The following TBC1D2 variants were observed in gnomAD, a reference collection of about 807,000 sequenced individuals.
The protein encoded by TBC1D2 is TBC1 domain family member 2.
A neutral mutation model predicts 91.1 loss-of-function variants in TBC1D2; 58 were observed. The observed-to-expected ratio is 0.64, with a 90% CI of 0.52 to 0.79. The LOEUF (loss-of-function observed/expected upper bound fraction) is 0.79, where lower values mean the gene tolerates loss of function less well. Ranked by LOEUF, TBC1D2 falls within the 30% of genes least tolerant of loss-of-function variation. The pLI, the probability that TBC1D2 is intolerant of heterozygous loss-of-function variation, is 0.00. For synonymous variants in TBC1D2, 482 were observed against 511.5 expected (o/e 0.94, Z 0.78); for missense variants, 1,080 against 1,208.3 (o/e 0.89, Z 1.57).
chr9:98,203,667 C>T (rs529649921), intron 9 of TBC1D2, among the ~76,000 whole-genome samples: 3 of 152,222 alleles, frequency 2.0e-5, no homozygotes, highest in East Asian at 3.9e-4. Flanking sequence ...TTGGGTAAAT[C>T]CTGATCTTGT....
At chr9:98,204,837 T>C (rs768320229) in intron 9 of TBC1D2, among the ~76,000 whole-genome samples, 1 of 152,166 alleles carries the variant, frequency 6.6e-6, no homozygotes, top group African/African-American at 2.4e-5. Flanking sequence ...AGTTCAAGGA[T>C]AGCAAACGTG....
At chr9:98,242,490 A>C (rs1030257245) in intron 3 of TBC1D2, among the ~76,000 whole-genome samples, 40 of 151,922 alleles carry the variant, frequency 2.6e-4, no homozygotes, top group African/African-American at 9.4e-4. Flanking sequence ...AGAAACGCCC[A>C]AACAGGATCA....
At chr9:98,219,723 A>G (rs1490591686) in intron 6 of TBC1D2, among the ~76,000 whole-genome samples, 1 of 152,166 alleles carries the variant, frequency 6.6e-6, no homozygotes. Flanking sequence ...TTGTGCTATG[A>G]TGTTATGACG....
rs1829305344 is a variant in TBC1D2, at chr9:98,229,091, A to G, written c.839T>C (p.Phe280Ser). Residue 280 changes from phenylalanine to serine, a missense_variant, in exon 5 of 13, where the codon TTC (phenylalanine) becomes TCC (serine). By Grantham distance (155) the Phe-to-Ser change is radical. Transcript: ENST00000465784. ...GTTCTGGCGCTTGGCTTTCTGAGCG[A>G]AACTGATGGTCAGAGAAGGCTTGGG... ...PAPKPSLTISFAQKAKRQNNT... is the reference protein window; with the variant it reads ...PAPKPSLTISSAQKAKRQNNT... 2 of 1,614,120 alleles carry G rather than the reference A, an allele frequency of 1.2e-6. No individual in the cohort carries two copies. The highest frequency in any genetic ancestry group is 1.3e-5 in the African/African-American group (1 of 74,944).
At chr9:98,215,117 C>T (rs756973824) in intron 6 of TBC1D2, among the ~76,000 whole-genome samples, 82 of 152,286 alleles carry the variant, frequency 5.4e-4, no homozygotes, top group Non-Finnish European at 9.4e-4. Context: ...GTGCGCCAGC[C>T]GCTCTGCTGG....
intron 3 of TBC1D2, among the ~76,000 whole-genome samples, chr9:98,238,269 T>C (rs2119163992): frequency 7.3e-6 from 1 of 137,104 alleles, no homozygotes; most frequent in African/African-American, 3.6e-5. Context: ...GCCCTTTTTT[T>C]CAACAATGTT....
intron 9 of TBC1D2, among the ~76,000 whole-genome samples, chr9:98,206,264 G>A (rs970338959): frequency 3.3e-5 from 5 of 152,366 alleles, no homozygotes; most frequent in South Asian, 2.1e-4. Flanking sequence ...CCTATTACAA[G>A]TAACTTTCTG....
At chr9:98,201,939 C>T (rs1196504187) in intron 10 of TBC1D2, among the ~76,000 whole-genome samples, 5 of 152,192 alleles carry the variant, frequency 3.3e-5, no homozygotes, top group African/African-American at 7.2e-5. Context: ...GCACGTTCTC[C>T]GCCCGCTCAC....
At chr9:98,212,967 G>T in intron 7 of TBC1D2, 141 bp downstream of exon 7, 1 of 864,226 alleles carries the variant, frequency 1.2e-6, no homozygotes, top group Non-Finnish European at 1.8e-6. Flanking sequence ...AGAAGAACCT[G>T]ATATGGGCCC....
At chr9:98,252,041 A>AG (rs1829884932) in intron 1 of TBC1D2, 115 bp from the exon 2 acceptor site, 1 of 1,375,928 alleles carries the variant, frequency 7.3e-7, no homozygotes, top group Non-Finnish European at 9.8e-7. Context: ...AGGAAAAAAA[A>AG]AAGGGGGTCA....
Position 98,255,284 on chromosome 9 carries a change from ATCCTGAGCGGTCC to A in TBC1D2, c.245_257del (p.Arg82LeufsTer37), listed in dbSNP as rs1471060560. 1 of 1,614,112 alleles carries A rather than the reference ATCCTGAGCGGTCC, an allele frequency of 6.2e-7. No homozygotes were observed. Among genetic ancestry groups the A allele is most frequent in the East Asian group, 2.2e-5 (1 of 44,896 alleles). ...GGTCGATGCTGTCCAAGGGATTGGCATCCTGAGCGGTCCGCGAGTAATACAGCTGACATTTCCT... is the reference window on the plus strand; with the variant it reads ...GGTCGATGCTGTCCAAGGGATTGGCAGCGAGTAATACAGCTGACATTTCCT... On this transcript the variant is annotated frameshift_variant, in exon 1 of 13. Coordinates refer to ENST00000465784, the MANE Select transcript of TBC1D2 (RefSeq NM_001267571.2). LOFTEE classifies it high-confidence loss of function.
At position 98,208,742 on chromosome 9, in the gene TBC1D2, G is replaced by T. The variant is rs148143158; in HGVS notation, c.2076C>A (p.Pro692=). The change falls in exon 9 of 13, where the codon CCC becomes CCA. Residue 692 remains proline, a synonymous_variant. Transcript: ENST00000465784. Reference sequence around the variant, plus strand: ...CCAGCAGCACCCGGCGGAGCTTGTCGGGGAAGCTGGAGGTGGGGCAGGTGA... The same window carrying T: ...CCAGCAGCACCCGGCGGAGCTTGTCTGGGAAGCTGGAGGTGGGGCAGGTGA... ...KHFTCPTSSF[P]DKLRRVLLAF... is the part of the protein sequence containing the mutation. 1 of 1,562,116 alleles carries T rather than the reference G, an allele frequency of 6.4e-7. No individual in the cohort carries two copies. The highest frequency in any genetic ancestry group is 8.7e-7 in the Non-Finnish European group (1 of 1,149,734).
intron 5 of TBC1D2, among the ~76,000 whole-genome samples, chr9:98,224,903 T>C (rs1179985708): frequency 6.6e-6 from 1 of 152,118 alleles, no homozygotes; most frequent in Non-Finnish European, 1.5e-5. Flanking sequence ...TGAATGGGGC[T>C]AAAGCTTCCT....
intron 5 of TBC1D2, among the ~76,000 whole-genome samples, chr9:98,226,643 A>G (rs1315274896): frequency 6.6e-6 from 1 of 152,242 alleles, no homozygotes; most frequent in African/African-American, 2.4e-5. Flanking sequence ...TGGAGAGTAA[A>G]CAAATCCACT....
chr9:98,217,004 T>C (rs1828985772), intron 6 of TBC1D2, among the ~76,000 whole-genome samples: 1 of 152,228 alleles, frequency 6.6e-6, no homozygotes, highest in African/African-American at 2.4e-5. Flanking sequence ...CTACACACTG[T>C]TATTTCTAAG....
In TBC1D2 at chr9:98,220,909, G is replaced by A. The variant is rs1829081213; in HGVS notation, c.1298C>T (p.Pro433Leu). The A allele has an allele frequency of 6.2e-7, 1 of 1,614,062 alleles. No homozygotes were observed. The highest frequency in any genetic ancestry group is 1.1e-5 in the South Asian group (1 of 91,092). The change falls in exon 6 of 13, where the codon CCT (proline) becomes CTT (leucine). Residue 433 changes from proline (P) to leucine (L), a missense_variant. Coordinates refer to ENST00000465784, the MANE Select transcript of TBC1D2 (RefSeq NM_001267571.2). ...GTCGGGGCGCAAAGGAGACTGGTCAGGGGGGTGCGTGAAGTCCTGGGTGAC... is the reference window on the plus strand; with the variant it reads ...GTCGGGGCGCAAAGGAGACTGGTCAAGGGGGTGCGTGAAGTCCTGGGTGAC... ...EKVTQDFTHP[P>L]DQSPLRPDAA... is the part of the protein sequence containing the mutation.
At chr9:98,211,399 C>G (rs1828835358) in intron 7 of TBC1D2, among the ~76,000 whole-genome samples, 1 of 152,120 alleles carries the variant, frequency 6.6e-6, no homozygotes, top group Admixed American at 6.6e-5. Context: ...AACACACACC[C>G]CTCCCACTTC....
chr9:98,201,806 G>A (rs971285341), intron 10 of TBC1D2, 142 bp from the exon 11 acceptor site: 36 of 735,324 alleles, frequency 4.9e-5, no homozygotes, highest in Non-Finnish European at 6.0e-5. Context: ...GAGACACCTC[G>A]GGGAGCCAGG....
At chr9:98,218,305 A>G (rs1226027472) in intron 6 of TBC1D2, among the ~76,000 whole-genome samples, 3 of 151,854 alleles carry the variant, frequency 2.0e-5, no homozygotes, top group Non-Finnish European at 4.4e-5. Context: ...GGTGGCTCAC[A>G]CCTGTAATCC....
Sources: allele counts gnomAD v4.1 joint callset (sites outside exome capture counted in the v4.1 genomes callset), GRCh38; gene constraint gnomAD v4.1.1; transcripts MANE v1.5; gene names NCBI Gene and HGNC (gene_info 2026-07-23, HGNC 2026-07-21).